Variants in ANKFN1 observed in about 807,000 individuals in gnomAD.
The protein encoded by ANKFN1 is ankyrin repeat and fibronectin type-III domain-containing protein 1.
Under a neutral mutation model 108.7 loss-of-function variants are expected in ANKFN1, and 74 were observed. That is an observed-to-expected ratio of 0.68 (90% CI 0.56 to 0.83). The LOEUF (loss-of-function observed/expected upper bound fraction) is 0.83, where lower values mean the gene tolerates loss of function less well. Among genes scored for constraint, ANKFN1 ranks in the 40% least tolerant of loss-of-function variants. The pLI, the probability that ANKFN1 is intolerant of heterozygous loss-of-function variation, is 0.00. For synonymous variants in ANKFN1, 547 were observed against 516.2 expected (o/e 1.06, Z -0.81); for missense variants, 1,505 against 1,382.3 (o/e 1.09, Z -1.41).
chr17:56,204,069 C>G (rs970041511), intron 1 of ANKFN1, among the ~76,000 whole-genome samples: 5 of 152,108 alleles, frequency 3.3e-5, no homozygotes, highest in Admixed American at 6.5e-5. Context: ...TTTTTAGAGA[C>G]AGAGTCTCAC....
At chr17:56,165,375 G>A (rs980641548) in intron 1 of ANKFN1, among the ~76,000 whole-genome samples, 2 of 151,954 alleles carry the variant, frequency 1.3e-5, no homozygotes, top group Non-Finnish European at 2.9e-5. Context: ...CTATTAACTA[G>A]GCCACTCACT....
rs998044665 is a variant in ANKFN1, at chr17:56,051,569, G to T, written c.288+5244G>T. ...ACATAGTGTTGGAAATTCTGGCCAG[G>T]GCAATTAGGCAGGAGAAGGAAATAA... On this transcript the variant is annotated intron_variant, in intron 4 of 12. Transcript: ENST00000635860. Among the ~76,000 whole-genome samples, 488 of 143,358 alleles carry T rather than the reference G, an allele frequency of 3.4e-3. 4 individuals are homozygous for T. Among genetic ancestry groups the T allele is most frequent in the African/African-American group, 0.012 (469 of 37,968 alleles). 94.0% of individuals were successfully genotyped at this position (143,358 alleles called of 152,430 possible). A position where few individuals can be genotyped will look rare whatever the true frequency, so the allele number is the denominator to read the frequency against.
chr17:56,184,401 T>G (rs1461044447), intron 1 of ANKFN1, among the ~76,000 whole-genome samples: 1 of 152,222 alleles, frequency 6.6e-6, no homozygotes, highest in Admixed American at 6.5e-5. Context: ...AATTAAGATA[T>G]GTACATTATT....
chr17:56,328,793 G>A (rs78496139), intron 4 of ANKFN1, among the ~76,000 whole-genome samples: 1 of 151,352 alleles, frequency 6.6e-6, no homozygotes, highest in Non-Finnish European at 1.5e-5. Context: ...AAAAGGGGGG[G>A]CAGGAATCTA....
chr17:56,350,552 A>G (rs1275026645), intron 4 of ANKFN1, among the ~76,000 whole-genome samples: 1 of 152,056 alleles, frequency 6.6e-6, no homozygotes, highest in Non-Finnish European at 1.5e-5. Flanking sequence ...CCTGCCACCA[A>G]TTAGCTCTGT....
At chr17:56,167,547 A>G (rs1183122352) in intron 1 of ANKFN1, among the ~76,000 whole-genome samples, 2 of 152,100 alleles carry the variant, frequency 1.3e-5, no homozygotes, top group Non-Finnish European at 2.9e-5. Context: ...TTTCTGCCTT[A>G]GATGACTTTG....
At chr17:56,225,764 A>C (rs1180336096) in intron 2 of ANKFN1, among the ~76,000 whole-genome samples, 1 of 152,252 alleles carries the variant, frequency 6.6e-6, no homozygotes, top group Non-Finnish European at 1.5e-5. Context: ...TATGCTTAAC[A>C]GCTTGATTTA....
At chr17:56,098,112 G>A (rs1011428527) in intron 4 of ANKFN1, among the ~76,000 whole-genome samples, 19 of 152,136 alleles carry the variant, frequency 1.2e-4, no homozygotes, top group African/African-American at 4.1e-4. Context: ...AGGCAGAGGT[G>A]GGAGTGATGC....
intron 3 of ANKFN1, among the ~76,000 whole-genome samples, chr17:56,237,821 T>C (rs1917269310): frequency 6.6e-6 from 1 of 152,148 alleles, no homozygotes. Context: ...CTGCTAGCTT[T>C]GGTGTTGGCT....
intron 4 of ANKFN1, among the ~76,000 whole-genome samples, chr17:56,139,758 C>A: frequency 6.6e-6 from 1 of 152,154 alleles, no homozygotes; most frequent in East Asian, 1.9e-4. Context: ...TCTTCCTATT[C>A]TCCGTAGCCT....
chr17:56,124,344 T>C (rs1051228705), intron 4 of ANKFN1, among the ~76,000 whole-genome samples: 1 of 152,208 alleles, frequency 6.6e-6, no homozygotes, highest in Non-Finnish European at 1.5e-5. Context: ...GTTCAGTCCA[T>C]GTGTGATGGC....
intron 4 of ANKFN1, among the ~76,000 whole-genome samples, chr17:56,072,812 T>C (rs2143142218): frequency 6.6e-6 from 1 of 152,118 alleles, no homozygotes; most frequent in South Asian, 2.1e-4. Context: ...GAAGTGCAGA[T>C]GAGGAGAGGA....
At chr17:56,427,102 G>C (rs893272165) in intron 8 of ANKFN1, among the ~76,000 whole-genome samples, 3 of 152,178 alleles carry the variant, frequency 2.0e-5, no homozygotes, top group Non-Finnish European at 4.4e-5. Context: ...AAGAAGGTCT[G>C]GTTTTTTCTT....
At chr17:56,193,676 C>T (rs1336649888) in intron 1 of ANKFN1, among the ~76,000 whole-genome samples, 2 of 151,570 alleles carry the variant, frequency 1.3e-5, no homozygotes, top group Admixed American at 6.6e-5. Context: ...ATAACACTCC[C>T]AGAAGATGCA....
chr17:56,172,658 C>G (rs532754804), intron 1 of ANKFN1, among the ~76,000 whole-genome samples: 26 of 152,196 alleles, frequency 1.7e-4, no homozygotes, highest in African/African-American at 6.0e-4. Flanking sequence ...GGGGAGCTGC[C>G]AAGTAATTGG....
At chr17:56,280,008 CT>C (rs3086033) in intron 3 of ANKFN1, among the ~76,000 whole-genome samples, 3,369 of 134,826 alleles carry the variant, frequency 0.025, 129 homozygotes, top group African/African-American at 0.081. Flanking sequence ...CACATAATGT[CT>C]TTTTTTTTTT....
At chr17:56,191,668 T>C (rs1598209391) in intron 1 of ANKFN1, among the ~76,000 whole-genome samples, 2 of 129,390 alleles carry the variant, frequency 1.5e-5, no homozygotes, top group Non-Finnish European at 3.2e-5. Flanking sequence ...ATTTCAACTT[T>C]GGTGAATCTG....
At chr17:56,306,866 G>C (rs1188964427) in intron 3 of ANKFN1, among the ~76,000 whole-genome samples, 1 of 152,136 alleles carries the variant, frequency 6.6e-6, no homozygotes, top group African/African-American at 2.4e-5. Context: ...CATGGTACTG[G>C]TACCAAAACA....
chr17:56,385,405 C>A (rs2047231844), intron 8 of ANKFN1, among the ~76,000 whole-genome samples: 4 of 152,186 alleles, frequency 2.6e-5, no homozygotes, highest in Admixed American at 2.6e-4. Context: ...AGGACATAGG[C>A]ATGGGCAAGG....
Sources: allele counts gnomAD v4.1 joint callset (sites outside exome capture counted in the v4.1 genomes callset), GRCh38; gene constraint gnomAD v4.1.1; transcripts MANE v1.5; gene names NCBI Gene and HGNC (gene_info 2026-07-23, HGNC 2026-07-21).